The following ANKS3 variants were observed in gnomAD, a reference collection of about 807,000 sequenced individuals.
ANKS3 encodes ankyrin repeat and sterile alpha motif domain containing 3, also known as ankyrin repeat and SAM domain-containing protein 3.
A neutral mutation model predicts 80.7 loss-of-function variants in ANKS3; 62 were observed. The observed-to-expected ratio is 0.77, with a 90% CI of 0.63 to 0.95. The LOEUF (loss-of-function observed/expected upper bound fraction) is 0.95. Among genes scored for constraint, ANKS3 ranks in the 40% least tolerant of loss-of-function variants. The probability of loss-of-function intolerance (pLI) is 0.00; values close to 1 mark genes in which losing one functional copy is unlikely to be tolerated. For synonymous variants in ANKS3, 489 were observed against 355.3 expected, an observed-to-expected ratio of 1.38 and a Z score of -4.23; for missense variants, 1,150 against 883.6, an observed-to-expected ratio of 1.30 and a Z score of -3.82.
At chr16:4,699,890 TGA>T (rs2079804448) in intron 11 of ANKS3, 1 of 152,414 alleles carries the variant, frequency 6.6e-6, no homozygotes, top group Admixed American at 6.5e-5. Context: ...ATCCTACTTT[TGA>T]GAGTTTATTG....
In ANKS3 at chr16:4,700,980, G is replaced by T; in HGVS notation, c.1274C>A (p.Ser425Ter). 1.2e-6 allele frequency: 2 copies of T among 1,613,998 alleles called. No homozygotes were observed. Among genetic ancestry groups the T allele is most frequent in the Non-Finnish European group, 1.7e-6 (2 of 1,180,002 alleles). The change falls in exon 11 of 18, where the codon TCA becomes TAA. Residue 425 changes from serine (S) to a stop codon, truncating the protein, a stop_gained. Coordinates refer to ENST00000304283, the MANE Select transcript of ANKS3 (RefSeq NM_133450.4). LOFTEE classifies it high-confidence loss of function. Reference sequence around the variant, plus strand: ...CACAAGCGGTCTTACCTGGGGTCCTGAGTAGGGGGCCCTCTGAGTCTGGGG... The same window carrying T: ...CACAAGCGGTCTTACCTGGGGTCCTTAGTAGGGGGCCCTCTGAGTCTGGGG... ...SSPQTQRAPY[S>*]GPQDLAALLE... is the part of the protein sequence containing the mutation.
intron 13 of ANKS3, 42 bp downstream of exon 13, chr16:4,698,758 C>G (rs370796148): frequency 2.6e-6 from 4 of 1,565,136 alleles, no homozygotes; most frequent in Non-Finnish European, 2.6e-6. Context: ...AGCCAACTCA[C>G]GGGTGTCACC....
At chr16:4,697,512 G>A (rs896489958) in intron 15 of ANKS3, 96 bp from the exon 16 acceptor site, 6 of 1,024,754 alleles carry the variant, frequency 5.9e-6, no homozygotes, top group Non-Finnish European at 8.4e-6. Context: ...AACCTGCTTG[G>A]ATCAGAACCT....
intron 9 of ANKS3, 68 bp from the exon 10 acceptor site, chr16:4,701,611 G>C: frequency 7.1e-7 from 1 of 1,407,198 alleles, no homozygotes. Flanking sequence ...GCGTGCCCCG[G>C]GCTGAGCCGC....
At chr16:4,733,614 CAA>C (rs368996700) in intron 1 of ANKS3, among the ~76,000 whole-genome samples, 5 of 152,220 alleles carry the variant, frequency 3.3e-5, no homozygotes, top group East Asian at 1.9e-4. Context: ...AAAAATAATT[CAA>C]AGAGTATAAT....
At chr16:4,711,592 C>A (rs753862744) in intron 7 of ANKS3, among the ~76,000 whole-genome samples, 1 of 151,566 alleles carries the variant, frequency 6.6e-6, no homozygotes, top group Non-Finnish European at 1.5e-5. Context: ...GTAGCGCATG[C>A]CTGTAATCCC....
In ANKS3 at chr16:4,697,076, G is replaced by A; in HGVS notation, c.1923C>T (p.Ser641=). The part of the protein sequence containing the change: ...MGQALCLVTQ[S]LEKLQVLNGK... ...CGTTCAGCACCTGCAGCTTCTCCAG[G>A]CTCTGGGTCACTAAGCACAGTGCTT... Residue 641 remains serine, a synonymous_variant, in exon 17 of 18, where the codon AGC becomes AGT. Coordinates refer to ENST00000304283, the MANE Select transcript of ANKS3 (RefSeq NM_133450.4). The A allele has an allele frequency of 6.2e-7, 1 of 1,613,882 alleles. No individual in the cohort carries two copies. Among genetic ancestry groups the A allele is most frequent in the South Asian group, 1.1e-5 (1 of 91,066 alleles).
At chr16:4,701,694 C>G (rs970888646) in intron 9 of ANKS3, 151 bp from the exon 10 acceptor site, 7 of 646,846 alleles carry the variant, frequency 1.1e-5, no homozygotes, top group Non-Finnish European at 1.8e-5. Flanking sequence ...TGTCCTAAAC[C>G]CTCCCCTCTA....
intron 4 of ANKS3, 64 bp downstream of exon 4, chr16:4,726,915 C>A: frequency 6.2e-7 from 1 of 1,608,108 alleles, no homozygotes; most frequent in South Asian, 1.1e-5. Flanking sequence ...CAGTGGTTCG[C>A]ATCTCTGTCA....
At chr16:4,721,365 T>C (rs2081084025) in intron 6 of ANKS3, among the ~76,000 whole-genome samples, 1 of 149,994 alleles carries the variant, frequency 6.7e-6, no homozygotes, top group South Asian at 2.1e-4. Context: ...TCCCAGCACT[T>C]TGGGAGACCG....
chr16:4,700,745 G>C, intron 11 of ANKS3: 1 of 727,914 alleles, frequency 1.4e-6, no homozygotes, highest in Non-Finnish European at 2.5e-6. Flanking sequence ...ATGGAAAGCA[G>C]GGAGACAGGT....
intron 8 of ANKS3, 72 bp downstream of exon 8, chr16:4,705,023 T>G (rs2080107719): frequency 6.4e-7 from 1 of 1,570,156 alleles, no homozygotes; most frequent in South Asian, 1.2e-5. Context: ...GCCTAAGAGC[T>G]ATTCCATTCT....
intron 6 of ANKS3, among the ~76,000 whole-genome samples, chr16:4,723,052 G>C (rs1408493440): frequency 6.6e-6 from 1 of 152,180 alleles, no homozygotes; most frequent in African/African-American, 2.4e-5. Context: ...GAGGACAAGA[G>C]AAAATGGACA....
At chr16:4,698,294 T>G (rs1177482075) in intron 14 of ANKS3, 133 bp downstream of exon 14, 1 of 1,293,656 alleles carries the variant, frequency 7.7e-7, no homozygotes, top group African/African-American at 1.5e-5. Context: ...CCTGATGAAA[T>G]GGGGGTGGGG....
At chr16:4,716,513 A>G (rs2080805547) in intron 6 of ANKS3, among the ~76,000 whole-genome samples, 1 of 152,162 alleles carries the variant, frequency 6.6e-6, no homozygotes, top group South Asian at 2.1e-4. Context: ...GCAGGGATAC[A>G]GGACAAAAAA....
chr16:4,704,013 G>C (rs2080056316), intron 8 of ANKS3, among the ~76,000 whole-genome samples: 1 of 152,238 alleles, frequency 6.6e-6, no homozygotes, highest in Non-Finnish European at 1.5e-5. Context: ...GGAAGGAAGA[G>C]ACTCTGCCAC....
chr16:4,721,791 C>T lies in ANKS3; in HGVS notation c.573+2959G>A, dbSNP rs1156743315. On this transcript the variant is annotated intron_variant, in intron 6 of 17. Transcript: ENST00000304283. ...GTAGCTGGGATTACAGCGTCAGCCA[C>T]CTGTATTTTGTATTTTTGTATTTTT... 2.0e-5 allele frequency among the ~76,000 whole-genome samples: 3 copies of T among 150,974 alleles called. No homozygotes were observed. In the East Asian group the frequency reaches 5.8e-4, roughly 29 times the overall value.
intron 7 of ANKS3, among the ~76,000 whole-genome samples, chr16:4,711,737 A>G (rs796070960): frequency 0.027 from 4,063 of 150,088 alleles, 180 homozygotes; most frequent in African/African-American, 0.095. Context: ...AAAAAAAAAA[A>G]GGGAGAAAAT....
rs186205102 is a variant in ANKS3, at chr16:4,705,506, G to A, written c.710-253C>T. Among the ~76,000 whole-genome samples, 21 of 152,330 alleles carry A rather than the reference G, an allele frequency of 1.4e-4. No homozygotes were observed. In the East Asian group the frequency reaches 1.7e-3, roughly 13 times the overall value. On this transcript the variant is annotated intron_variant, in intron 7 of 17. Coordinates refer to ENST00000304283, the MANE Select transcript of ANKS3 (RefSeq NM_133450.4). Reference sequence around the variant, plus strand: ...GACAGAGTCTCACTCTGTCCCCCGAGCTGAAGTGTAATGGCATGATCTTGG... The same window carrying A: ...GACAGAGTCTCACTCTGTCCCCCGAACTGAAGTGTAATGGCATGATCTTGG...
Sources: allele counts gnomAD v4.1 joint callset (sites outside exome capture counted in the v4.1 genomes callset), GRCh38; gene constraint gnomAD v4.1.1; transcripts MANE v1.5; gene names NCBI Gene and HGNC (gene_info 2026-07-23, HGNC 2026-07-21).